The following ANKRD33B variants were observed in gnomAD, a reference collection of about 807,000 sequenced individuals.
The protein encoded by ANKRD33B is ankyrin repeat domain-containing protein 33B.
A neutral mutation model predicts 21.5 loss-of-function variants in ANKRD33B; 6 were observed. The ratio of observed to expected loss-of-function variants is 0.28; its 90% confidence interval spans 0.15 to 0.55. The LOEUF (loss-of-function observed/expected upper bound fraction) is 0.55. Among genes scored for constraint, ANKRD33B ranks in the 20% least tolerant of loss-of-function variants. The pLI, the probability that ANKRD33B is intolerant of heterozygous loss-of-function variation, is 0.94. For missense variants in ANKRD33B, 698 were observed against 747.2 expected, an observed-to-expected ratio of 0.93 and a Z score of 0.77; for synonymous variants, 347 against 342.4, an observed-to-expected ratio of 1.01 and a Z score of -0.15.
intron 1 of ANKRD33B, among the ~76,000 whole-genome samples, chr5:10,604,844 G>A (rs576639663): frequency 6.6e-6 from 1 of 152,294 alleles, no homozygotes; most frequent in South Asian, 2.1e-4. Flanking sequence ...ACTTGTTGAT[G>A]TTTGTATTAT....
At position 10,638,178 on chromosome 5, in the gene ANKRD33B, C is replaced by T; in HGVS notation, c.637+10C>T. On this transcript the variant is annotated intron_variant, in intron 3 of 3. Transcript: ENST00000296657. ...GCCCTGATGCTAGCAGGTATGTCCA[C>T]CTGTCCTGTGCAGCTTCCAGGGGCC... 1.3e-6 allele frequency: 2 copies of T among 1,537,280 alleles called. No individual in the cohort carries two copies. Among genetic ancestry groups the T allele is most frequent in the Non-Finnish European group, 8.7e-7 (1 of 1,146,836 alleles).
At chr5:10,575,250 C>T (rs1250836279) in intron 1 of ANKRD33B, among the ~76,000 whole-genome samples, 1 of 151,914 alleles carries the variant, frequency 6.6e-6, no homozygotes, top group Non-Finnish European at 1.5e-5. Flanking sequence ...TGGTGAAACC[C>T]CATCTCTACT....
At chr5:10,582,466 G>A (rs1260472114) in intron 1 of ANKRD33B, among the ~76,000 whole-genome samples, 4 of 152,258 alleles carry the variant, frequency 2.6e-5, no homozygotes, top group African/African-American at 9.6e-5. Context: ...ATAACCCCCC[G>A]CCCTGGAGTC....
intron 1 of ANKRD33B, among the ~76,000 whole-genome samples, chr5:10,591,586 T>C (rs4701873): frequency 0.89 from 135,632 of 152,170 alleles, 60,464 homozygotes; most frequent in Middle Eastern, 0.96. Context: ...TGTCCAGAAC[T>C]ATTAATGAAT....
intron 1 of ANKRD33B, among the ~76,000 whole-genome samples, chr5:10,606,109 G>A (rs1196702807): frequency 6.6e-6 from 1 of 152,204 alleles, no homozygotes; most frequent in Non-Finnish European, 1.5e-5. Flanking sequence ...AATAGATTAG[G>A]TATATACATG....
At position 10,656,610 on chromosome 5, in the gene ANKRD33B, C is replaced by T. The variant is rs1270569821; in HGVS notation, c.*6497C>T. 2.6e-5 allele frequency: 4 copies of T among 152,342 alleles called. No homozygotes were observed. The highest frequency in any genetic ancestry group is 7.2e-5 in the African/African-American group (3 of 41,462). 9.4% of individuals were successfully genotyped at this position (152,342 alleles called of 1,614,324 possible). A position where few individuals can be genotyped will look rare whatever the true frequency, so the allele number is the denominator to read the frequency against. On this transcript the variant is annotated 3_prime_UTR_variant, in exon 4 of 4. Transcript: ENST00000296657. ...ATGGCCCGAGGACCCACTGTGAGCA[C>T]TCCGCCCGCTGTGGCACAGAACACG...
chr5:10,576,344 G>A lies in ANKRD33B; in HGVS notation c.366+11511G>A, dbSNP rs188538650. Among the ~76,000 whole-genome samples, 1,463 of 152,284 alleles carry A rather than the reference G, an allele frequency of 9.6e-3. 7 individuals carry two copies. The highest frequency in any genetic ancestry group is 0.034 in the Middle Eastern group (10 of 294). ...TCACTGTGGTTCATGGGCCAGCAGC[G>A]TTGGCATCGCCTGGGAGCTTCTACC... On this transcript the variant is annotated intron_variant, in intron 1 of 3. Transcript: ENST00000296657. This position sits in a 1 kb window ranked among gnomAD's most constrained non-coding sequence, Gnocchi z 4.1.
At chr5:10,581,852 T>C (rs1378375651) in intron 1 of ANKRD33B, among the ~76,000 whole-genome samples, 1 of 152,222 alleles carries the variant, frequency 6.6e-6, no homozygotes, top group East Asian at 1.9e-4. Context: ...GCCCTGTAGA[T>C]TTTGGACTTG....
chr5:10,631,389 G>T (rs998170635), intron 2 of ANKRD33B, among the ~76,000 whole-genome samples: 1 of 152,216 alleles, frequency 6.6e-6, no homozygotes, highest in Non-Finnish European at 1.5e-5. Flanking sequence ...CACAGGAGGG[G>T]AGGAGCAGGG....
chr5:10,569,209 C>T (rs984609611), intron 1 of ANKRD33B, among the ~76,000 whole-genome samples: 1 of 152,190 alleles, frequency 6.6e-6, no homozygotes, highest in African/African-American at 2.4e-5. Flanking sequence ...AAAGTGACTT[C>T]TCTGGTTCTT....
At chr5:10,601,408 C>A (rs1735928054) in intron 1 of ANKRD33B, among the ~76,000 whole-genome samples, 1 of 152,202 alleles carries the variant, frequency 6.6e-6, no homozygotes, top group Non-Finnish European at 1.5e-5. Context: ...CCTCCACCAT[C>A]CCTGGCGCTG....
intron 1 of ANKRD33B, among the ~76,000 whole-genome samples, chr5:10,570,118 C>G (rs1325650205): frequency 6.6e-6 from 1 of 152,092 alleles, no homozygotes; most frequent in Non-Finnish European, 1.5e-5. Context: ...CTCAAGTGAT[C>G]CACCCACCTC....
At position 10,626,537 on chromosome 5, in the gene ANKRD33B, C is replaced by T. The variant is rs141154904; in HGVS notation, c.496+8075C>T. On this transcript the variant is annotated intron_variant, in intron 2 of 3. Coordinates refer to ENST00000296657, the MANE Select transcript of ANKRD33B (RefSeq NM_001164440.2). ...GCTTTTGGCTTCAACCACAAGGACA[C>T]TGCCTTCTCTTGCAACACAAGACAT... Among the ~76,000 whole-genome samples the T allele has an allele frequency of 4.1e-3, 619 of 152,348 alleles. 2 individuals carry two copies. Among genetic ancestry groups the T allele is most frequent in the African/African-American group, 0.014 (572 of 41,574 alleles).
Position 10,619,116 on chromosome 5 carries a change from T to A in ANKRD33B, c.496+654T>A, listed in dbSNP as rs1001906304. Among the ~76,000 whole-genome samples, 8 of 152,320 alleles carry A rather than the reference T, an allele frequency of 5.3e-5. No individual in the cohort carries two copies. Among genetic ancestry groups the A allele is most frequent in the African/African-American group, 1.9e-4 (8 of 41,562 alleles). On this transcript the variant is annotated intron_variant, in intron 2 of 3. Transcript: ENST00000296657. This position sits in a 1 kb window ranked among gnomAD's most constrained non-coding sequence, Gnocchi z 4.5. ...TGAGGACAGACATGAAACCTATGCT[T>A]GCCTCTTCATAATCACACTTCATTT...
At position 10,638,437 on chromosome 5, in the gene ANKRD33B, C is replaced by T. The variant is rs1736926480; in HGVS notation, c.637+269C>T. Among the ~76,000 whole-genome samples, 4 of 151,348 alleles carry T rather than the reference C, an allele frequency of 2.6e-5. No homozygotes were observed. In the South Asian group the frequency reaches 8.4e-4, roughly 32 times the overall value. On this transcript the variant is annotated intron_variant, in intron 3 of 3. Transcript: ENST00000296657. ...CCTCACCTGCTGTTTTCCTCCTGCCCACCCGTTCTACACCCCAAGTCCTGT... is the reference window on the plus strand; with the variant it reads ...CCTCACCTGCTGTTTTCCTCCTGCCTACCCGTTCTACACCCCAAGTCCTGT...
chr5:10,631,035 G>A (rs6875486), intron 2 of ANKRD33B, among the ~76,000 whole-genome samples: 34,772 of 151,978 alleles, frequency 0.23, 4,067 homozygotes, highest in Middle Eastern at 0.34. Flanking sequence ...ACCTACAGTC[G>A]GACATGGCAA....
intron 1 of ANKRD33B, among the ~76,000 whole-genome samples, chr5:10,591,195 GT>G (rs112409223): frequency 0.31 from 40,923 of 131,818 alleles, 6,323 homozygotes; most frequent in Admixed American, 0.48. Flanking sequence ...TTTTTTAGTG[GT>G]TTTTTTTTTT....
intron 2 of ANKRD33B, among the ~76,000 whole-genome samples, chr5:10,636,167 TGGGG>T (rs561234399): frequency 8.1e-6 from 1 of 124,114 alleles, no homozygotes; most frequent in Admixed American, 7.8e-5. Flanking sequence ...CAGGTGTTCC[TGGGG>T]GGAGGGAGGT....
chr5:10,629,907 A>G (rs1736666557), intron 2 of ANKRD33B, among the ~76,000 whole-genome samples: 1 of 152,230 alleles, frequency 6.6e-6, no homozygotes, highest in Non-Finnish European at 1.5e-5. Flanking sequence ...ACAAATCACC[A>G]CTGAGTCTCA....
Sources: gnomAD v4.1 joint callset for allele counts (sites outside exome capture counted in the v4.1 genomes callset) on GRCh38, gnomAD v4.1.1 for gene constraint, Gnocchi (gnomAD v3.1) non-coding constraint, MANE v1.5 for transcripts, NCBI Gene and HGNC (gene_info 2026-07-23, HGNC 2026-07-21) for gene names.